PIAS1: variants seen among roughly 807,000 people sequenced by gnomAD.
PIAS1 encodes E3 SUMO-protein ligase PIAS1.
In PIAS1, 6 loss-of-function variants were observed where a neutral mutation model predicts 71.3. The ratio of observed to expected loss-of-function variants is 0.08; its 90% CI spans 0.05 to 0.17. PIAS1 has a LOEUF of 0.17. Among genes scored for constraint, PIAS1 ranks in the 10% least tolerant of loss-of-function variants. PIAS1 has a pLI of 1.00. For missense variants in PIAS1, 555 were observed against 793.6 expected (o/e 0.70, Z 3.61); for synonymous variants, 303 against 292.9 (o/e 1.03, Z -0.35).
chr15:68,160,478 T>G (rs754356819), intron 7 of PIAS1, among the ~76,000 whole-genome samples: 1 of 152,202 alleles, frequency 6.6e-6, no homozygotes, highest in Non-Finnish European at 1.5e-5. Flanking sequence ...ATGTCTATCC[T>G]TATGCCAAAC....
intron 2 of PIAS1, among the ~76,000 whole-genome samples, chr15:68,122,608 A>G (rs1026542050): frequency 6.6e-6 from 1 of 152,186 alleles, no homozygotes; most frequent in South Asian, 2.1e-4. Flanking sequence ...TATAAATCCT[A>G]TTTCTTTTAA....
At chr15:68,074,950 A>G (rs1305465530) in intron 1 of PIAS1, among the ~76,000 whole-genome samples, 1 of 150,336 alleles carries the variant, frequency 6.7e-6, no homozygotes, top group South Asian at 2.1e-4. Context: ...TGAGTAGCTC[A>G]TTTTCCTTTT....
chr15:68,127,234 C>G (rs2092657547), intron 2 of PIAS1, among the ~76,000 whole-genome samples: 1 of 152,072 alleles, frequency 6.6e-6, no homozygotes, highest in African/African-American at 2.4e-5. Context: ...ATTTTTTAAA[C>G]CTGAATGTGA....
intron 1 of PIAS1, among the ~76,000 whole-genome samples, chr15:68,085,895 A>G (rs934844124): frequency 3.9e-5 from 6 of 152,172 alleles, no homozygotes; most frequent in African/African-American, 1.4e-4. Context: ...ATATATACTT[A>G]TAATTCTTCC....
At chr15:68,078,318 A>G (rs978595535) in intron 1 of PIAS1, among the ~76,000 whole-genome samples, 2 of 152,182 alleles carry the variant, frequency 1.3e-5, no homozygotes, top group African/African-American at 4.8e-5. Flanking sequence ...TCCACTGCAC[A>G]GTTCCTTCTT....
At chr15:68,075,743 A>C (rs2092156130) in intron 1 of PIAS1, among the ~76,000 whole-genome samples, 1 of 149,268 alleles carries the variant, frequency 6.7e-6, no homozygotes, top group African/African-American at 2.5e-5. Context: ...TTTTCTTTTT[A>C]ATATTTCTCT....
At chr15:68,127,056 G>A (rs1419584789) in intron 2 of PIAS1, among the ~76,000 whole-genome samples, 3 of 151,848 alleles carry the variant, frequency 2.0e-5, no homozygotes, top group Non-Finnish European at 4.4e-5. Flanking sequence ...TCAGGCTCCC[G>A]AGTAGCTGGG....
chr15:68,095,195 A>G (rs929337914), intron 2 of PIAS1, among the ~76,000 whole-genome samples: 2 of 152,156 alleles, frequency 1.3e-5, no homozygotes, highest in Non-Finnish European at 2.9e-5. Flanking sequence ...AAGAAATCCA[A>G]CATTTAAGAT....
At chr15:68,126,652 T>C (rs1225417489) in intron 2 of PIAS1, among the ~76,000 whole-genome samples, 2 of 151,896 alleles carry the variant, frequency 1.3e-5, no homozygotes, top group African/African-American at 2.4e-5. Flanking sequence ...CATGTTGGCC[T>C]GACCTCAAGT....
chr15:68,058,106 T>G (rs1241270544), intron 1 of PIAS1, among the ~76,000 whole-genome samples: 1 of 152,034 alleles, frequency 6.6e-6, no homozygotes, highest in African/African-American at 2.4e-5. Flanking sequence ...GATAAGAAAA[T>G]AAAATGGCCA....
intron 1 of PIAS1, among the ~76,000 whole-genome samples, chr15:68,080,095 G>C (rs184987280): frequency 2.6e-5 from 4 of 152,260 alleles, no homozygotes; most frequent in African/African-American, 9.6e-5. Context: ...GCCTCCTAAA[G>C]TGCTGGGATT....
intron 7 of PIAS1, among the ~76,000 whole-genome samples, chr15:68,159,800 C>A (rs2092912692): frequency 6.6e-6 from 1 of 151,978 alleles, no homozygotes; most frequent in Non-Finnish European, 1.5e-5. Context: ...ATATGGATAC[C>A]TCAGTTTTGT....
intron 2 of PIAS1, among the ~76,000 whole-genome samples, chr15:68,093,914 T>C (rs11071977): frequency 0.99 from 151,345 of 152,284 alleles, 75,216 homozygotes; most frequent in Middle Eastern, 1. Context: ...CTGAAAGTAT[T>C]CTAATATTGT....
chr15:68,153,025 TCC>T (rs1186048620), intron 6 of PIAS1, among the ~76,000 whole-genome samples: 2 of 151,902 alleles, frequency 1.3e-5, no homozygotes, highest in African/African-American at 4.8e-5. Context: ...TCTTTAATAT[TCC>T]CTCTGCTTGT....
In PIAS1 at chr15:68,170,396, G is replaced by A. The variant is rs1268673718; in HGVS notation, c.1009-3336G>A. On this transcript the variant is annotated intron_variant, in intron 8 of 13. Coordinates refer to ENST00000249636, the MANE Select transcript of PIAS1 (RefSeq NM_016166.3). ...AGTTGTAACACAATGCTAAGTATTT[G>A]TGTACCTAAACATAGAAAAGGTACA... 2.0e-5 allele frequency among the ~76,000 whole-genome samples: 3 copies of A among 152,190 alleles called. No homozygotes were observed. In the East Asian group the frequency reaches 5.8e-4, roughly 29 times the overall value.
At chr15:68,060,282 TG>T (rs1393100358) in intron 1 of PIAS1, among the ~76,000 whole-genome samples, 1 of 152,138 alleles carries the variant, frequency 6.6e-6, no homozygotes, top group Non-Finnish European at 1.5e-5. Context: ...ATTACAGGTG[TG>T]AGCCACCACG....
At chr15:68,093,035 T>C (rs1258903924) in intron 2 of PIAS1, among the ~76,000 whole-genome samples, 1 of 152,238 alleles carries the variant, frequency 6.6e-6, no homozygotes, top group Non-Finnish European at 1.5e-5. Context: ...TCAAGGCCTT[T>C]TCTTTGACAG....
intron 2 of PIAS1, among the ~76,000 whole-genome samples, chr15:68,102,016 G>A (rs924643015): frequency 6.6e-6 from 1 of 152,208 alleles, no homozygotes; most frequent in African/African-American, 2.4e-5. Flanking sequence ...GATTATGGGC[G>A]TGAGCCACAG....
intron 1 of PIAS1, chr15:68,061,292 A>C (rs1286774594): frequency 6.6e-6 from 1 of 152,222 alleles, no homozygotes. Context: ...AAGTAGTATT[A>C]ATTGCCACTG....
Sources: allele counts gnomAD v4.1 joint callset (sites outside exome capture counted in the v4.1 genomes callset), GRCh38; gene constraint gnomAD v4.1.1; transcripts MANE v1.5; gene names NCBI Gene and HGNC (gene_info 2026-07-23, HGNC 2026-07-21).